TENM4: variants seen among roughly 807,000 people sequenced by gnomAD.
The protein encoded by TENM4 is teneurin-4.
Under a neutral mutation model 243.3 loss-of-function variants are expected in TENM4, and 82 were observed. That is an observed-to-expected ratio of 0.34 (90% CI 0.28 to 0.40). TENM4 has a LOEUF of 0.40. Ranked by LOEUF, TENM4 falls within the 10% of genes least tolerant of loss-of-function variation. The probability of loss-of-function intolerance (pLI) is 1.00; values close to 1 mark genes in which losing one functional copy is unlikely to be tolerated. For synonymous variants in TENM4, 1,412 were observed against 1,456.3 expected (o/e 0.97, Z 0.69); for missense variants, 3,138 against 3,673.3 (o/e 0.85, Z 3.77).
At chr11:78,863,184 G>T in intron 9 of TENM4, 52 bp from the exon 10 acceptor site, 1 of 1,439,002 alleles carries the variant, frequency 6.9e-7, no homozygotes, top group South Asian at 1.5e-5. Flanking sequence ...GCAGAAACGG[G>T]ACTCCCAAGC....
intron 3 of TENM4, among the ~76,000 whole-genome samples, chr11:79,204,582 C>G (rs144027316): frequency 5.3e-5 from 8 of 152,270 alleles, no homozygotes; most frequent in African/African-American, 9.6e-5. Flanking sequence ...AAACTAACTT[C>G]TGATATTACC....
At chr11:79,367,860 T>A (rs566720082) in intron 1 of TENM4, among the ~76,000 whole-genome samples, 21 of 152,328 alleles carry the variant, frequency 1.4e-4, no homozygotes, top group Non-Finnish European at 2.1e-4. Context: ...TTGATCTTTC[T>A]TTTGGCAGGG....
At chr11:79,210,492 G>A (rs532066113) in intron 3 of TENM4, among the ~76,000 whole-genome samples, 1 of 152,332 alleles carries the variant, frequency 6.6e-6, no homozygotes, top group East Asian at 1.9e-4. Context: ...AAGAGCAGCA[G>A]TACATAGCAG....
chr11:79,019,560 AG>A (rs1858870245), intron 6 of TENM4, among the ~76,000 whole-genome samples: 1 of 152,200 alleles, frequency 6.6e-6, no homozygotes, highest in South Asian at 2.1e-4. Context: ...TCTAAAAGCT[AG>A]TTCTTCCTTT....
chr11:79,341,323 A>G (rs1201137785), intron 1 of TENM4, among the ~76,000 whole-genome samples: 1 of 151,936 alleles, frequency 6.6e-6, no homozygotes, highest in Non-Finnish European at 1.5e-5. Context: ...ATCCCTTGCA[A>G]CTCCATGCCC....
chr11:79,324,429 C>T (rs1391734165), intron 1 of TENM4, among the ~76,000 whole-genome samples: 3 of 152,184 alleles, frequency 2.0e-5, no homozygotes, highest in South Asian at 4.2e-4. Context: ...CTATGTTGAC[C>T]AGGCTGGTTG....
chr11:78,715,131 T>C (rs115602238), intron 25 of TENM4, among the ~76,000 whole-genome samples: 1,576 of 152,340 alleles, frequency 0.01, 35 homozygotes, highest in African/African-American at 0.037. Context: ...CTTCTGGGGT[T>C]AGCAGTAAAC....
At chr11:79,405,786 A>T (rs996872936) in intron 1 of TENM4, among the ~76,000 whole-genome samples, 3 of 150,462 alleles carry the variant, frequency 2.0e-5, no homozygotes, top group African/African-American at 7.3e-5. Flanking sequence ...TGATTTACGC[A>T]TATAAAAATG....
chr11:79,178,997 T>C (rs1339703471), intron 3 of TENM4, among the ~76,000 whole-genome samples: 3 of 152,256 alleles, frequency 2.0e-5, no homozygotes, highest in African/African-American at 7.2e-5. Flanking sequence ...AGGGCTGCCC[T>C]TATTTACAAA....
intron 1 of TENM4, among the ~76,000 whole-genome samples, chr11:79,437,230 TCTCTG>T (rs1399411541): frequency 1.3e-5 from 2 of 152,150 alleles, no homozygotes; most frequent in Non-Finnish European, 2.9e-5. Context: ...GCTGCAAATC[TCTCTG>T]CTCCCCAACA....
intron 6 of TENM4, among the ~76,000 whole-genome samples, chr11:78,955,118 A>G (rs2136507058): frequency 6.6e-6 from 1 of 152,358 alleles, no homozygotes; most frequent in African/African-American, 2.4e-5. Context: ...CTGACCATCC[A>G]TGAACAAAGC....
chr11:79,173,818 A>G (rs1863102104), intron 3 of TENM4, among the ~76,000 whole-genome samples: 1 of 152,240 alleles, frequency 6.6e-6, no homozygotes, highest in African/African-American at 2.4e-5. Flanking sequence ...TGGGACTCAC[A>G]GTGAAAACTG....
intron 2 of TENM4, among the ~76,000 whole-genome samples, chr11:79,248,396 G>T (rs1172280445): frequency 6.6e-6 from 1 of 152,138 alleles, no homozygotes; most frequent in Non-Finnish European, 1.5e-5. Flanking sequence ...GTATTACAGA[G>T]TTCCCATTAG....
intron 17 of TENM4, among the ~76,000 whole-genome samples, chr11:78,776,546 C>T (rs1856743508): frequency 6.6e-6 from 1 of 152,158 alleles, no homozygotes; most frequent in Non-Finnish European, 1.5e-5. Flanking sequence ...GAACAAAATC[C>T]GGCCCATCTT....
chr11:79,148,639 G>T, intron 4 of TENM4, 71 bp downstream of exon 4: 1 of 324,926 alleles, frequency 3.1e-6, no homozygotes, highest in Non-Finnish European at 4.4e-6. Flanking sequence ...TTAAGAGGTA[G>T]AGAAAAAAAG....
At chr11:79,276,457 G>T (rs1856057576) in intron 2 of TENM4, among the ~76,000 whole-genome samples, 1 of 152,240 alleles carries the variant, frequency 6.6e-6, no homozygotes. Context: ...GAGTTTAAGA[G>T]CAGAGAAAGA....
chr11:79,175,791 A>ACTATTT (rs1005505138), intron 3 of TENM4, among the ~76,000 whole-genome samples: 5 of 152,252 alleles, frequency 3.3e-5, no homozygotes, highest in African/African-American at 1.2e-4. Flanking sequence ...ACAATAAAAT[A>ACTATTT]TATTTGTAAA....
rs1304093676 is a variant in TENM4, at chr11:78,670,492, G to C, written c.5853C>G (p.Asp1951Glu). Residue 1951 changes from aspartate (D) to glutamate (E), a missense_variant, in exon 32 of 34, where the codon GAC becomes GAG. By Grantham distance (45) the Asp-to-Glu change is conservative. Transcript: ENST00000278550. ...TGGGCATCGTCACAGAAGAGAGGCG[G>C]TCATTCTTGTCGAACTCAAAGATAT... ...RQYIFEFDKN[D>E]RLSSVTMPNV... 1.9e-6 allele frequency: 3 copies of C among 1,613,596 alleles called. No homozygotes were observed. Among genetic ancestry groups the C allele is most frequent in the African/African-American group, 1.3e-5 (1 of 74,916 alleles).
chr11:79,439,811 T>C (rs1859360744), intron 1 of TENM4, among the ~76,000 whole-genome samples: 1 of 152,290 alleles, frequency 6.6e-6, no homozygotes, highest in East Asian at 1.9e-4. Context: ...TTCCCGAAGC[T>C]GGGGGTGAGA....
Sources: gnomAD v4.1 joint callset for allele counts (sites outside exome capture counted in the v4.1 genomes callset) on GRCh38, gnomAD v4.1.1 for gene constraint, MANE v1.5 for transcripts, NCBI Gene and HGNC (gene_info 2026-07-23, HGNC 2026-07-21) for gene names.